The following SRCAP variants were observed in gnomAD, a reference collection of about 807,000 sequenced individuals.
SRCAP encodes Snf2 related CREBBP activator protein, also known as chromatin remodeling protein SRCAP.
SRCAP carries 46 observed loss-of-function variants against 263.1 expected under a neutral mutation model. The ratio of observed to expected loss-of-function variants is 0.17; its 90% CI spans 0.14 to 0.22. The LOEUF is 0.22. SRCAP is among the 10% of genes least tolerant of loss of function. The pLI, the probability that SRCAP is intolerant of heterozygous loss-of-function variation, is 1.00. For synonymous variants in SRCAP, 1,813 were observed against 1,662.1 expected, an observed-to-expected ratio of 1.09 and a Z score of -2.21; for missense variants, 3,695 against 4,181.9, an observed-to-expected ratio of 0.88 and a Z score of 3.21.
chr16:30,707,007 C>G (rs572707334), intron 4 of SRCAP, among the ~76,000 whole-genome samples, 176 bp from the exon 5 acceptor site: 1 of 152,268 alleles, frequency 6.6e-6, no homozygotes, highest in African/African-American at 2.4e-5. Flanking sequence ...CCTTCTTCAT[C>G]TCCCTGATCT....
At chr16:30,715,239 G>T (rs2052935109) in intron 16 of SRCAP, among the ~76,000 whole-genome samples, 1 of 152,148 alleles carries the variant, frequency 6.6e-6, no homozygotes, top group South Asian at 2.1e-4. Context: ...CTTCATCTTG[G>T]TCAATCACTA....
intron 20 of SRCAP, 97 bp from the exon 21 acceptor site, chr16:30,721,092 A>G: frequency 1.3e-6 from 2 of 1,535,088 alleles, no homozygotes; most frequent in East Asian, 4.5e-5. Context: ...ACACGGGTCT[A>G]GTATTTGATG....
rs770123385 is a variant in SRCAP at position 30,704,042 on chromosome 16, CCAT to C, written c.55-18_55-16del. The C allele has an allele frequency of 3.1e-6, 5 of 1,598,026 alleles. No homozygotes were observed. The highest frequency in any genetic ancestry group is 2.2e-5 in the East Asian group (1 of 44,648). ...GCACAGTGCGAAGCATTTATTTTCT[CCAT>C]CATTTTCCTCTTTTCTAGATGGTGT... On this transcript the variant is annotated intron_variant, in intron 3 of 33. Transcript: ENST00000262518.
At chr16:30,732,308 G>A (rs968436112) in intron 27 of SRCAP, among the ~76,000 whole-genome samples, 7 of 151,882 alleles carry the variant, frequency 4.6e-5, no homozygotes, top group Non-Finnish European at 5.9e-5. Flanking sequence ...AAAATTATCC[G>A]GACGTGGTGG....
Position 30,728,964 on chromosome 16 carries a change from A to T in SRCAP, c.5659-2A>T. 1 of 1,610,462 alleles carries T rather than the reference A, an allele frequency of 6.2e-7. No individual in the cohort carries two copies. The highest frequency in any genetic ancestry group is 8.5e-7 in the Non-Finnish European group (1 of 1,177,140). ...TACTTCCTCTTTTTCTCTCACCCCCAGGACTCCCTGGAGGAAAAGCGGAAG... is the reference window on the plus strand; with the variant it reads ...TACTTCCTCTTTTTCTCTCACCCCCTGGACTCCCTGGAGGAAAAGCGGAAG... On this transcript the variant is annotated splice_acceptor_variant, in intron 25 of 33. Coordinates refer to ENST00000262518, the MANE Select transcript of SRCAP (RefSeq NM_006662.3). LOFTEE classifies it high-confidence loss of function.
chr16:30,738,212 C>A lies in SRCAP; in HGVS notation c.8172C>A (p.Thr2724=), dbSNP rs1435191075. The A allele has an allele frequency of 1.9e-6, 3 of 1,614,188 alleles. No individual in the cohort carries two copies. Among genetic ancestry groups the A allele is most frequent in the East Asian group, 2.2e-5 (1 of 44,886 alleles). The change falls in exon 34 of 34, where the codon ACC becomes ACA. Residue 2724 remains threonine, a synonymous_variant. Coordinates refer to ENST00000262518, the MANE Select transcript of SRCAP (RefSeq NM_006662.3). ...CTGCCCGACCTCCTCGGCGTCGCAC[C>A]AGTGCTGATGTGGAAATTAGGGGTC... ...PSPARPPRRR[T]SADVEIRGQG...
In SRCAP at chr16:30,714,800, C is replaced by A. The variant is rs2052930111; in HGVS notation, c.2493+1089C>A. Among the ~76,000 whole-genome samples, 4 of 152,226 alleles carry A rather than the reference C, an allele frequency of 2.6e-5. No individual in the cohort carries two copies. In the South Asian group the frequency reaches 8.3e-4, roughly 32 times the overall value. On this transcript the variant is annotated intron_variant, in intron 16 of 33. Transcript: ENST00000262518. ...GGGATTACAGGTGTGAGCCACCGTTCCCAGCCTGTTTGTTTTTTGTTTTTT... is the reference window on the plus strand; with the variant it reads ...GGGATTACAGGTGTGAGCCACCGTTACCAGCCTGTTTGTTTTTTGTTTTTT...
intron 27 of SRCAP, among the ~76,000 whole-genome samples, chr16:30,731,185 C>G (rs2053111632): frequency 6.6e-6 from 1 of 152,200 alleles, no homozygotes; most frequent in Admixed American, 6.5e-5. Flanking sequence ...CTTCATAACT[C>G]ATTGGCTCAA....
At chr16:30,719,883 T>A (rs1381235637) in intron 18 of SRCAP, among the ~76,000 whole-genome samples, 1 of 152,126 alleles carries the variant, frequency 6.6e-6, no homozygotes, top group Non-Finnish European at 1.5e-5. Context: ...TGCTGAGGTT[T>A]GGCGTACGAT....
In SRCAP at chr16:30,711,922, A is replaced by G. The variant is rs758392551; in HGVS notation, c.1580A>G (p.Glu527Gly). ...GGAAGTTCAGCATCAGAGGAATCTG[A>G]GTCTGAAGAGTCTGAGGATGCCCAA... ...TSGSSASEES[E>G]SEESEDAQSQ... is the part of the protein sequence containing the mutation. Residue 527 changes from glutamate (E) to glycine (G), a missense_variant, in exon 12 of 34, where the codon GAG becomes GGG. Glu to Gly is a moderately conservative substitution (Grantham distance 98). Around this residue, in one of 12 missense-constraint regions of SRCAP, gnomAD observed 288 missense variants for 302.4 expected, o/e 0.95. Coordinates refer to ENST00000262518, the MANE Select transcript of SRCAP (RefSeq NM_006662.3). 7 of 1,613,812 alleles carry G rather than the reference A, an allele frequency of 4.3e-6. No homozygotes were observed. In the East Asian group the frequency reaches 8.9e-5, roughly 21 times the overall value.
chr16:30,711,520 C>G (rs754250636), intron 10 of SRCAP, 51 bp from the exon 11 acceptor site: 1 of 1,530,476 alleles, frequency 6.5e-7, no homozygotes. Context: ...ACTCAGACCT[C>G]CCCTTCTCCC....
intron 6 of SRCAP, among the ~76,000 whole-genome samples, chr16:30,708,778 T>C (rs1013925230): frequency 2.6e-5 from 4 of 152,328 alleles, no homozygotes; most frequent in Admixed American, 2.6e-4. Context: ...ATCCTCTCAC[T>C]TTGGCCTCCC....
Position 30,709,699 on chromosome 16 carries a change from A to T in SRCAP, c.820A>T (p.Ser274Cys). 6.2e-7 allele frequency: 1 copy of T among 1,614,158 alleles called. No individual in the cohort carries two copies. Among genetic ancestry groups the T allele is most frequent in the Non-Finnish European group, 8.5e-7 (1 of 1,180,026 alleles). ...CCTCGGCTCTTCCTCAGCTGCCTCC[A>T]GTCCTCCACCCCCTGCTTCTCGCCT... ...PCLGSSSAAS[S>C]PPPPASRLDD... Residue 274 changes from serine (S) to cysteine (C), a missense_variant, in exon 7 of 34, where the codon AGT becomes TGT. By Grantham distance (112) the Ser-to-Cys change is moderately radical. This residue lies in a region of SRCAP where 44 missense variants were observed against 42.9 expected (regional missense o/e 1.03). Transcript: ENST00000262518.
At chr16:30,707,035 G>A in intron 4 of SRCAP, 148 bp from the exon 5 acceptor site, 2 of 682,292 alleles carry the variant, frequency 2.9e-6, no homozygotes, top group Non-Finnish European at 4.8e-6. Context: ...CTTCTCTGAA[G>A]AGAGTATGAT....
rs1268913745 is a variant in SRCAP at position 30,724,786 on chromosome 16, C to T, written c.5362C>T (p.Leu1788=). Residue 1788 remains leucine, a synonymous_variant, in exon 25 of 34, where the codon CTG becomes TTG. Coordinates refer to ENST00000262518, the MANE Select transcript of SRCAP (RefSeq NM_006662.3). ...SLLAPASVQT[L]TLSPAPVPTL... Reference sequence around the variant, plus strand: ...CCTGGCCCCAGCTTCAGTGCAGACACTGACCTTGAGCCCTGCCCCAGTTCC... The same window carrying T: ...CCTGGCCCCAGCTTCAGTGCAGACATTGACCTTGAGCCCTGCCCCAGTTCC... 1 of 1,613,628 alleles carries T rather than the reference C, an allele frequency of 6.2e-7. No individual in the cohort carries two copies. Among genetic ancestry groups the T allele is most frequent in the Non-Finnish European group, 8.5e-7 (1 of 1,179,712 alleles).
chr16:30,710,660 A>C (rs780374603), intron 8 of SRCAP, 94 bp from the exon 9 acceptor site: 14 of 1,246,758 alleles, frequency 1.1e-5, no homozygotes, highest in Middle Eastern at 3.7e-4. Flanking sequence ...ACTCAATGGG[A>C]CAGTGATTCT....
chr16:30,706,968 C>T (rs1455354764), intron 4 of SRCAP, among the ~76,000 whole-genome samples: 6 of 152,136 alleles, frequency 3.9e-5, no homozygotes, highest in African/African-American at 1.4e-4. Context: ...TGATCTTGGG[C>T]AAATCACTTA....
rs2053036970 is a variant in SRCAP at position 30,723,963 on chromosome 16, A to T, written c.4539A>T (p.Pro1513=). 1 of 1,613,918 alleles carries T rather than the reference A, an allele frequency of 6.2e-7. No individual in the cohort carries two copies. The highest frequency in any genetic ancestry group is 1.3e-5 in the African/African-American group (1 of 74,872). Residue 1513 remains proline (P), a synonymous_variant, in exon 25 of 34, where the codon CCA becomes CCT. Transcript: ENST00000262518. ...SALTLGLATA[P]SLSSSQTPGH... is the part of the protein sequence containing the mutation. ...TGACTCTAGGTTTGGCCACAGCTCC[A>T]TCCCTGTCTTCATCTCAGACACCTG...
At position 30,739,421 on chromosome 16, in the gene SRCAP, A is replaced by C. The variant is rs2053200148; in HGVS notation, c.9381A>C (p.Leu3127=). ...LRSTRLRPGS[L]VPPLETEKLP... is the part of the protein sequence containing the mutation. The stretch of plus-strand genomic sequence containing the variant: ...CGACCCGGCTGCGTCCAGGGTCTCT[A>C]GTCCCCCCACTAGAGACTGAGAAGT... Residue 3127 remains leucine, a synonymous_variant, in exon 34 of 34, where the codon CTA becomes CTC. Coordinates refer to ENST00000262518, the MANE Select transcript of SRCAP (RefSeq NM_006662.3). 1 of 1,614,214 alleles carries C rather than the reference A, an allele frequency of 6.2e-7. No individual in the cohort carries two copies. Among genetic ancestry groups the C allele is most frequent in the African/African-American group, 1.3e-5 (1 of 75,066 alleles).
Sources: gnomAD v4.1 joint callset for allele counts (sites outside exome capture counted in the v4.1 genomes callset) on GRCh38, gnomAD v4.1.1 for gene constraint, gnomAD v4.1.1 regional missense constraint, MANE v1.5 for transcripts, NCBI Gene and HGNC (gene_info 2026-07-23, HGNC 2026-07-21) for gene names.